CNGB3: variants seen among roughly 807,000 people sequenced by gnomAD.
CNGB3 encodes the protein cyclic nucleotide gated channel subunit beta 3, also known as cyclic nucleotide-gated channel beta-3.
Under a neutral mutation model 92.8 loss-of-function variants are expected in CNGB3, and 86 were observed. That is an observed-to-expected ratio of 0.93 (90% CI 0.78 to 1.11). CNGB3 has a LOEUF of 1.11. Ranked by LOEUF, CNGB3 falls within the 50% of genes least tolerant of loss-of-function variation. The pLI is 0.00. For synonymous variants in CNGB3, 333 were observed against 332.7 expected (o/e 1.00, Z -0.01); for missense variants, 1,026 against 956.8 (o/e 1.07, Z -0.95).
At chr8:86,590,396 T>C (rs927741043) in intron 15 of CNGB3, among the ~76,000 whole-genome samples, 1 of 152,126 alleles carries the variant, frequency 6.6e-6, no homozygotes, top group Non-Finnish European at 1.5e-5. Context: ...TGTTAGCTGG[T>C]TATTTTGCTC....
rs1301193922 is a variant in CNGB3, at chr8:86,643,814, T to G, written c.1115A>C (p.Tyr372Ser). Residue 372 changes from tyrosine (Y) to serine (S), a missense_variant, in exon 10 of 18, where the codon TAC (tyrosine) becomes TCC (serine). By Grantham distance (144) the Tyr-to-Ser change is moderately radical. Coordinates refer to ENST00000320005, the MANE Select transcript of CNGB3 (RefSeq NM_019098.5). ...AATTCCTTCATAGTTTGAAGCCCAGTAATAAACACAGGCATTAATGTGCAG... is the reference window on the plus strand; with the variant it reads ...AATTCCTTCATAGTTTGAAGCCCAGGAATAAACACAGGCATTAATGTGCAG... The part of the protein sequence containing the change: ...FILHINACVY[Y>S]WASNYEGIGT... 6.2e-7 allele frequency: 1 copy of G among 1,607,104 alleles called. No homozygotes were observed. The highest frequency in any genetic ancestry group is 1.1e-5 in the South Asian group (1 of 90,888).
chr8:86,660,776 T>C (rs1823625660), intron 6 of CNGB3: 1 of 519,470 alleles, frequency 1.9e-6, no homozygotes, highest in Middle Eastern at 4.4e-4. Flanking sequence ...AAATGGAGGA[T>C]AAAATGGAAA....
At chr8:86,620,788 C>T (rs925556349) in intron 13 of CNGB3, among the ~76,000 whole-genome samples, 2 of 152,108 alleles carry the variant, frequency 1.3e-5, no homozygotes, top group African/African-American at 4.8e-5. Flanking sequence ...ACTATTCATC[C>T]TATTTCCTTC....
At chr8:86,713,378 A>G (rs1824786257) in intron 3 of CNGB3, among the ~76,000 whole-genome samples, 1 of 152,194 alleles carries the variant, frequency 6.6e-6, no homozygotes, top group Non-Finnish European at 1.5e-5. Flanking sequence ...TGCTGGGGAT[A>G]GAACTCAAGC....
At chr8:86,614,846 C>T (rs1471854098) in intron 13 of CNGB3, among the ~76,000 whole-genome samples, 2 of 143,358 alleles carry the variant, frequency 1.4e-5, no homozygotes, top group African/African-American at 2.8e-5. Context: ...TCTGGAACCC[C>T]GTGAGGGCAA....
chr8:86,705,512 A>G (rs1194100651), intron 3 of CNGB3, among the ~76,000 whole-genome samples: 1 of 152,036 alleles, frequency 6.6e-6, no homozygotes, highest in African/African-American at 2.4e-5. Context: ...TAACATGGGG[A>G]GATTATCCTG....
intron 15 of CNGB3, among the ~76,000 whole-genome samples, chr8:86,581,735 AC>A (rs138114419): frequency 4.0e-4 from 61 of 151,416 alleles, no homozygotes; most frequent in African/African-American, 1.4e-3. Context: ...TCCATACCTT[AC>A]CCCCCCACCA....
chr8:86,695,746 G>A (rs865821005), intron 3 of CNGB3, among the ~76,000 whole-genome samples: 1 of 152,052 alleles, frequency 6.6e-6, no homozygotes, highest in African/African-American at 2.4e-5. Flanking sequence ...TCATTTAATA[G>A]TATTACTAGA....
At chr8:86,732,291 G>T (rs188611269) in intron 2 of CNGB3, among the ~76,000 whole-genome samples, 27 of 152,264 alleles carry the variant, frequency 1.8e-4, no homozygotes, top group African/African-American at 6.3e-4. Context: ...CACATGCTGG[G>T]CACCTAATCT....
chr8:86,637,521 C>A (rs1823095654), intron 10 of CNGB3, among the ~76,000 whole-genome samples: 1 of 152,014 alleles, frequency 6.6e-6, no homozygotes, highest in Non-Finnish European at 1.5e-5. Context: ...ATAGGGATTG[C>A]ATTGAATTTA....
chr8:86,641,226 A>G (rs1823177652), intron 10 of CNGB3, among the ~76,000 whole-genome samples: 1 of 152,018 alleles, frequency 6.6e-6, no homozygotes, highest in Non-Finnish European at 1.5e-5. Flanking sequence ...AAAGGGGAGG[A>G]ACCCTCAATT....
At chr8:86,735,514 G>C (rs1825235942) in intron 2 of CNGB3, among the ~76,000 whole-genome samples, 1 of 152,110 alleles carries the variant, frequency 6.6e-6, no homozygotes, top group Non-Finnish European at 1.5e-5. Flanking sequence ...TCTAAAACGT[G>C]TCTGACGGGC....
At chr8:86,662,917 C>T (rs1563745771) in intron 6 of CNGB3, among the ~76,000 whole-genome samples, 1 of 152,214 alleles carries the variant, frequency 6.6e-6, no homozygotes, top group African/African-American at 2.4e-5. Context: ...AACAGTACGA[C>T]TATTCCCATT....
intron 6 of CNGB3, chr8:86,660,718 C>T (rs1823623555): frequency 1.9e-6 from 1 of 528,718 alleles, no homozygotes; most frequent in Non-Finnish European, 3.9e-6. Context: ...ACAGTGCTCC[C>T]CCATCCAATA....
chr8:86,603,651 CA>C (rs2131558737), intron 15 of CNGB3, among the ~76,000 whole-genome samples: 1 of 152,236 alleles, frequency 6.6e-6, no homozygotes, highest in East Asian at 1.9e-4. Flanking sequence ...GGACAAGTAA[CA>C]GAGGAAAAAA....
At chr8:86,702,794 A>T (rs975192483) in intron 3 of CNGB3, among the ~76,000 whole-genome samples, 6 of 151,840 alleles carry the variant, frequency 4.0e-5, no homozygotes, top group African/African-American at 1.5e-4. Flanking sequence ...CTTTTTTAAA[A>T]AAAATCTCTG....
intron 2 of CNGB3, among the ~76,000 whole-genome samples, chr8:86,736,771 C>T (rs1209120512): frequency 6.6e-6 from 1 of 151,822 alleles, no homozygotes; most frequent in Non-Finnish European, 1.5e-5. Flanking sequence ...GGCAAGACCA[C>T]ATTTTTTACA....
chr8:86,576,835 AATT>A (rs1238659927), intron 17 of CNGB3, among the ~76,000 whole-genome samples: 1 of 152,172 alleles, frequency 6.6e-6, no homozygotes, highest in African/African-American at 2.4e-5. Context: ...TTTTTATGCA[AATT>A]ATTATTTCTA....
chr8:86,641,395 C>T (rs1379697390), intron 10 of CNGB3, among the ~76,000 whole-genome samples: 1 of 151,954 alleles, frequency 6.6e-6, no homozygotes, highest in African/African-American at 2.4e-5. Flanking sequence ...AATAAATTTG[C>T]TTTCACTTTA....
Sources: gnomAD v4.1 joint callset for allele counts (sites outside exome capture counted in the v4.1 genomes callset) on GRCh38, gnomAD v4.1.1 for gene constraint, MANE v1.5 for transcripts, NCBI Gene and HGNC (gene_info 2026-07-23, HGNC 2026-07-21) for gene names.